The following TBC1D12 variants were observed in gnomAD, a reference collection of about 807,000 sequenced individuals.
TBC1D12 encodes the protein TBC1 domain family, member 12.
Under a neutral mutation model 86.7 loss-of-function variants are expected in TBC1D12, and 56 were observed. The observed-to-expected ratio is 0.65, with a 90% CI of 0.52 to 0.81. The LOEUF (loss-of-function observed/expected upper bound fraction) is 0.81. TBC1D12 is among the 30% of genes least tolerant of loss of function. The probability of loss-of-function intolerance (pLI) is 0.00; values close to 1 mark genes in which losing one functional copy is unlikely to be tolerated. For synonymous variants in TBC1D12, 421 were observed against 411.7 expected (o/e 1.02, Z -0.27); for missense variants, 1,023 against 1,038.8 (o/e 0.98, Z 0.21).
At chr10:94,461,910 G>A (rs2055735286) in intron 2 of TBC1D12, among the ~76,000 whole-genome samples, 1 of 152,130 alleles carries the variant, frequency 6.6e-6, no homozygotes, top group Admixed American at 6.5e-5. Context: ...GCAACTTCTT[G>A]AACTCCTGGC....
chr10:94,449,429 A>G (rs543493741), intron 2 of TBC1D12, among the ~76,000 whole-genome samples: 5 of 152,308 alleles, frequency 3.3e-5, no homozygotes, highest in South Asian at 2.1e-4. Flanking sequence ...CTCCTAATTC[A>G]TAGATCTGGA....
chr10:94,510,855 A>G (rs962466262), intron 8 of TBC1D12, among the ~76,000 whole-genome samples: 1 of 152,178 alleles, frequency 6.6e-6, no homozygotes, highest in Non-Finnish European at 1.5e-5. Context: ...TTAGATTGAT[A>G]AAAATAAAAT....
At chr10:94,475,251 A>G (rs1589643736) in intron 3 of TBC1D12, among the ~76,000 whole-genome samples, 1 of 152,172 alleles carries the variant, frequency 6.6e-6, no homozygotes, top group African/African-American at 2.4e-5. Flanking sequence ...TTTAGTATGT[A>G]TTTAAGATGT....
At chr10:94,469,068 A>G (rs982694006) in intron 2 of TBC1D12, among the ~76,000 whole-genome samples, 3 of 152,348 alleles carry the variant, frequency 2.0e-5, no homozygotes, top group East Asian at 1.9e-4. Flanking sequence ...GTGAACTAAA[A>G]AAGTTTATAA....
chr10:94,512,216 T>G (rs2056536668), intron 9 of TBC1D12, among the ~76,000 whole-genome samples: 1 of 152,242 alleles, frequency 6.6e-6, no homozygotes, highest in African/African-American at 2.4e-5. Context: ...TTATTTAATT[T>G]ACAATTTCTA....
At chr10:94,458,851 C>A (rs1049945408) in intron 2 of TBC1D12, among the ~76,000 whole-genome samples, 2 of 152,092 alleles carry the variant, frequency 1.3e-5, no homozygotes, top group Non-Finnish European at 2.9e-5. Context: ...TTGCTGCCTT[C>A]AGGAGTGAAG....
chr10:94,499,077 T>A (rs7078236), intron 5 of TBC1D12, among the ~76,000 whole-genome samples: 68,124 of 152,018 alleles, frequency 0.45, 15,514 homozygotes, highest in East Asian at 0.73. Context: ...GTGCAATGTG[T>A]TGTTTTGGTA....
chr10:94,456,913 A>C (rs1453652711), intron 2 of TBC1D12, among the ~76,000 whole-genome samples: 5 of 152,158 alleles, frequency 3.3e-5, no homozygotes, highest in Admixed American at 3.3e-4. Flanking sequence ...TTTATTATGT[A>C]ATGCCCCTCT....
chr10:94,424,509 AAAG>A (rs1177832408), intron 1 of TBC1D12, among the ~76,000 whole-genome samples: 1 of 152,234 alleles, frequency 6.6e-6, no homozygotes, highest in Non-Finnish European at 1.5e-5. Context: ...TATTCCAACG[AAAG>A]AAGGAGCTAG....
intron 11 of TBC1D12, among the ~76,000 whole-genome samples, chr10:94,522,828 G>A (rs1220577426): frequency 6.6e-6 from 1 of 151,900 alleles, no homozygotes; most frequent in African/African-American, 2.4e-5. Context: ...GGTGGATCAC[G>A]AGGTCAGGAG....
intron 11 of TBC1D12, among the ~76,000 whole-genome samples, chr10:94,526,354 G>A (rs1842288942): frequency 6.6e-6 from 1 of 151,604 alleles, no homozygotes; most frequent in African/African-American, 2.4e-5. Flanking sequence ...AGGATGGCTT[G>A]AGCCTAGGAG....
rs745976203 is a variant in TBC1D12, at chr10:94,402,938, T to C, written c.325T>C (p.Cys109Arg). 5 of 1,551,922 alleles carry C rather than the reference T, an allele frequency of 3.2e-6. No individual in the cohort carries two copies. The African/African-American group carries it at 7.1e-5, about 22-fold the overall frequency. The change falls in exon 1 of 13, where the codon TGC (cysteine) becomes CGC (arginine). Residue 109 changes from cysteine to arginine, a missense_variant. By Grantham distance (180) the Cys-to-Arg change is radical. Coordinates refer to ENST00000225235, the MANE Select transcript of TBC1D12 (RefSeq NM_015188.2). ...CTCGGCAGCCCCACGATCGGACGCC[T>C]GCCTGCTGGGCTCGGGCTCCAAACA... ...PPSAAPRSDA[C>R]LLGSGSKHRG... is the part of the protein sequence containing the mutation.
intron 2 of TBC1D12, among the ~76,000 whole-genome samples, chr10:94,448,156 A>C (rs2055498014): frequency 6.6e-6 from 1 of 152,174 alleles, no homozygotes; most frequent in African/African-American, 2.4e-5. Context: ...GTCTAAAAGT[A>C]GAATAGATCA....
rs560351971 is a variant in TBC1D12 at position 94,501,238 on chromosome 10, C to G, written c.1519+911C>G. Among the ~76,000 whole-genome samples the G allele has an allele frequency of 3.1e-3, 479 of 152,140 alleles. 1 individual carries two copies. Among genetic ancestry groups the G allele is most frequent in the Non-Finnish European group, 5.0e-3 (340 of 68,012 alleles). On this transcript the variant is annotated intron_variant, in intron 6 of 12. Coordinates refer to ENST00000225235, the MANE Select transcript of TBC1D12 (RefSeq NM_015188.2). ...CCAAGGCAGGTGGATTGCCTGAGCT[C>G]AGGATTTCGAGACCAGCCTGGGCAA... is the stretch of plus-strand genomic sequence containing the variant.
At chr10:94,414,029 A>G (rs973256233) in intron 1 of TBC1D12, among the ~76,000 whole-genome samples, 1 of 152,290 alleles carries the variant, frequency 6.6e-6, no homozygotes, top group Non-Finnish European at 1.5e-5. Context: ...TTGTTGTCTC[A>G]GGAAAAATTC....
intron 3 of TBC1D12, among the ~76,000 whole-genome samples, chr10:94,483,141 C>T (rs2056103433): frequency 6.6e-6 from 1 of 150,534 alleles, no homozygotes; most frequent in African/African-American, 2.5e-5. Context: ...CCTTGAACCA[C>T]ATTTTCTTTA....
intron 3 of TBC1D12, among the ~76,000 whole-genome samples, chr10:94,486,139 CTTT>C (rs1282522464): frequency 0.023 from 2,448 of 108,380 alleles, 37 homozygotes; most frequent in African/African-American, 0.078. Flanking sequence ...TCTTCTTCTT[CTTT>C]TTTTTTTTTT....
Position 94,525,778 on chromosome 10 carries a change from C to A in TBC1D12, c.2000+3325C>A, listed in dbSNP as rs190379359. 2.0e-5 allele frequency among the ~76,000 whole-genome samples: 3 copies of A among 150,286 alleles called. No individual in the cohort carries two copies. In the East Asian group the frequency reaches 5.8e-4, roughly 29 times the overall value. On this transcript the variant is annotated intron_variant, in intron 11 of 12. Coordinates refer to ENST00000225235, the MANE Select transcript of TBC1D12 (RefSeq NM_015188.2). Reference sequence around the variant, plus strand: ...ATGTGGTTTAATGGAATTAAGATTTCTTTTTCTTTTCACTCTTTTGAAGTT... The same window carrying A: ...ATGTGGTTTAATGGAATTAAGATTTATTTTTCTTTTCACTCTTTTGAAGTT...
At chr10:94,479,345 G>T (rs2056043264) in intron 3 of TBC1D12, among the ~76,000 whole-genome samples, 1 of 151,566 alleles carries the variant, frequency 6.6e-6, no homozygotes, top group Admixed American at 6.6e-5. Context: ...AGTAAATAAA[G>T]TTTTTTTTAA....
Sources: allele counts gnomAD v4.1 joint callset (sites outside exome capture counted in the v4.1 genomes callset), GRCh38; gene constraint gnomAD v4.1.1; transcripts MANE v1.5; gene names NCBI Gene and HGNC (gene_info 2026-07-23, HGNC 2026-07-21).